SAMTOR: variants seen among roughly 807,000 people sequenced by gnomAD.
SAMTOR encodes S-adenosylmethionine sensor upstream of mTORC1.
the SAMTOR span, among the ~76,000 whole-genome samples, chr7:112,891,791 T>G: frequency 6.6e-6 from 1 of 152,244 alleles, no homozygotes; most frequent in Non-Finnish European, 1.5e-5. Context: ...TAGTCATCAT[T>G]TGAGCCTCCA....
At chr7:112,882,181 G>A in the SAMTOR span, among the ~76,000 whole-genome samples, 1 of 152,210 alleles carries the variant, frequency 6.6e-6, no homozygotes. Flanking sequence ...GCAGTGGCCG[G>A]ACCCCATGTT....
At chr7:112,920,245 T>C in the SAMTOR span, among the ~76,000 whole-genome samples, 2 of 152,192 alleles carry the variant, frequency 1.3e-5, no homozygotes, top group African/African-American at 4.8e-5. Flanking sequence ...AAAAAGCTTA[T>C]CCGCCATGAT....
the SAMTOR span, among the ~76,000 whole-genome samples, chr7:112,911,978 A>G: frequency 1.2e-4 from 18 of 151,900 alleles, no homozygotes; most frequent in Middle Eastern, 0.01. Context: ...CCAAGAACCT[A>G]AAGAATTGTA....
chr7:112,848,189 G>C, the SAMTOR span, among the ~76,000 whole-genome samples: 1 of 151,976 alleles, frequency 6.6e-6, no homozygotes, highest in African/African-American at 2.4e-5. Flanking sequence ...ATAAATAATA[G>C]AGGCTTATAT....
At chr7:112,866,208 G>C in the SAMTOR span, among the ~76,000 whole-genome samples, 2 of 152,066 alleles carry the variant, frequency 1.3e-5, no homozygotes, top group East Asian at 3.8e-4. Flanking sequence ...TCTGTATAGA[G>C]AGCTGAACTG....
At chr7:112,872,497 C>A in the SAMTOR span, among the ~76,000 whole-genome samples, 4 of 151,970 alleles carry the variant, frequency 2.6e-5, no homozygotes, top group Non-Finnish European at 5.9e-5. Context: ...CGATGACAAA[C>A]CCACATCCAA....
At chr7:112,906,873 G>A in the SAMTOR span, among the ~76,000 whole-genome samples, 1,797 of 152,106 alleles carry the variant, frequency 0.012, 33 homozygotes, top group African/African-American at 0.038. Context: ...CCCGGCCGAC[G>A]TATCTTTTTA....
the SAMTOR span, among the ~76,000 whole-genome samples, chr7:112,846,363 G>A: frequency 1.3e-5 from 2 of 152,040 alleles, no homozygotes; most frequent in South Asian, 4.1e-4. Context: ...GGGCCTACTT[G>A]AGGGTAGAGG....
chr7:112,915,012 G>A, the SAMTOR span, among the ~76,000 whole-genome samples: 89 of 152,088 alleles, frequency 5.9e-4, no homozygotes, highest in South Asian at 1.0e-3. Context: ...AGGCTGAGGC[G>A]GGCAGGTCAC....
the SAMTOR span, among the ~76,000 whole-genome samples, chr7:112,932,012 G>A: frequency 2.0e-5 from 3 of 150,364 alleles, no homozygotes; most frequent in South Asian, 2.1e-4. Flanking sequence ...TGCAACCTCC[G>A]CCATCCAGGT....
chr7:112,939,588 T>G, the SAMTOR span: 1 of 1,613,732 alleles, frequency 6.2e-7, no homozygotes, highest in East Asian at 2.2e-5. Flanking sequence ...GCGCGCTGTT[T>G]ACCTTCTCGG....
chr7:112,862,150 G>A, the SAMTOR span, among the ~76,000 whole-genome samples: 1 of 152,190 alleles, frequency 6.6e-6, no homozygotes, highest in Non-Finnish European at 1.5e-5. Flanking sequence ...AGATACTTGG[G>A]AGGCTGAGGC....
At chr7:112,842,634 C>A in the SAMTOR span, among the ~76,000 whole-genome samples, 1 of 151,916 alleles carries the variant, frequency 6.6e-6, no homozygotes, top group Admixed American at 6.6e-5. Flanking sequence ...TTATCTTAGT[C>A]TAACTAGTCA....
the SAMTOR span, among the ~76,000 whole-genome samples, chr7:112,924,975 T>C: frequency 2.6e-5 from 4 of 152,138 alleles, no homozygotes; most frequent in South Asian, 4.1e-4. Flanking sequence ...AATGTTCAAG[T>C]TGAAGGTATA....
At chr7:112,854,233 A>G in the SAMTOR span, among the ~76,000 whole-genome samples, 1 of 152,108 alleles carries the variant, frequency 6.6e-6, no homozygotes, top group Non-Finnish European at 1.5e-5. Context: ...CATATAATCC[A>G]TTTCATTTCT....
the SAMTOR span, chr7:112,939,746 T>C: frequency 1.5e-5 from 24 of 1,597,556 alleles, no homozygotes; most frequent in African/African-American, 5.4e-5. Flanking sequence ...GGCCCCTGGC[T>C]CCATATCGCA....
chr7:112,904,332 TAC>T, the SAMTOR span, among the ~76,000 whole-genome samples: 1 of 151,936 alleles, frequency 6.6e-6, no homozygotes, highest in African/African-American at 2.4e-5. Context: ...AATGAAAAAA[TAC>T]AGACAAAATT....
the SAMTOR span, among the ~76,000 whole-genome samples, chr7:112,866,337 G>A: frequency 2.0e-5 from 3 of 152,234 alleles, no homozygotes; most frequent in Admixed American, 6.5e-5. Flanking sequence ...ATATACAGTT[G>A]CTCAATACCA....
the SAMTOR span, among the ~76,000 whole-genome samples, chr7:112,826,646 T>C: frequency 6.6e-6 from 1 of 151,976 alleles, no homozygotes; most frequent in South Asian, 2.1e-4. Flanking sequence ...GCTCTGATCA[T>C]TATTTCCTTT....
Sources: gnomAD v4.1 joint callset for allele counts (sites outside exome capture counted in the v4.1 genomes callset) on GRCh38, gnomAD v4.1.1 for gene constraint, MANE v1.5 for transcripts, NCBI Gene and HGNC (gene_info 2026-07-23, HGNC 2026-07-21) for gene names.